Variants in ZNF486 observed in about 807,000 individuals in gnomAD.
ZNF486 encodes zinc finger protein 486, also known as KRAB box only protein 2.
Under a neutral mutation model 12.8 loss-of-function variants are expected in ZNF486, and 12 were observed. The observed-to-expected ratio is 0.94, with a 90% CI of 0.60 to 1.52. The LOEUF (loss-of-function observed/expected upper bound fraction) is 1.52, where lower values mean the gene tolerates loss of function less well. Among genes scored for constraint, ZNF486 ranks in the 40% most tolerant of loss-of-function variants. The pLI, the probability that ZNF486 is intolerant of heterozygous loss-of-function variation, is 0.00. For missense variants in ZNF486, 738 were observed against 545.0 expected (o/e 1.35, Z -3.53); for synonymous variants, 231 against 184.9 (o/e 1.25, Z -2.02).
chr19:20,173,053 A>G (rs1555714146), intron 1 of ZNF486, among the ~76,000 whole-genome samples: 2 of 152,218 alleles, frequency 1.3e-5, no homozygotes, highest in African/African-American at 2.4e-5. Context: ...GCTGTAAAGA[A>G]GCTCTGAAGT....
At chr19:20,181,891 T>C (rs1327573191) in intron 1 of ZNF486, among the ~76,000 whole-genome samples, 4 of 152,354 alleles carry the variant, frequency 2.6e-5, no homozygotes, top group South Asian at 2.1e-4. Flanking sequence ...CAGGGTGTTA[T>C]GAGAATTAAA....
intron 1 of ZNF486, among the ~76,000 whole-genome samples, chr19:20,173,768 C>CT (rs1294992148): frequency 4.0e-5 from 6 of 151,650 alleles, no homozygotes; most frequent in African/African-American, 1.5e-4. Context: ...GGAGGTGGGG[C>CT]TTGCAGTGAG....
intron 1 of ZNF486, among the ~76,000 whole-genome samples, chr19:20,171,542 CA>C (rs1212536043): frequency 1.3e-5 from 2 of 152,228 alleles, no homozygotes; most frequent in African/African-American, 4.8e-5. Context: ...ACTGAATCTG[CA>C]GCAGCAACCT....
intron 1 of ZNF486, among the ~76,000 whole-genome samples, chr19:20,177,781 G>A (rs1162916266): frequency 1.3e-5 from 2 of 152,120 alleles, no homozygotes; most frequent in Non-Finnish European, 2.9e-5. Context: ...TGTCAGTGTT[G>A]GCCAGGCTGG....
chr19:20,190,025 T>C (rs1555716971), intron 3 of ZNF486, among the ~76,000 whole-genome samples: 1 of 152,252 alleles, frequency 6.6e-6, no homozygotes, highest in African/African-American at 2.4e-5. Context: ...AGTGTTGATA[T>C]TCAGTTTTCA....
At chr19:20,171,290 G>A (rs1309461494) in intron 1 of ZNF486, among the ~76,000 whole-genome samples, 1 of 152,176 alleles carries the variant, frequency 6.6e-6, no homozygotes, top group Non-Finnish European at 1.5e-5. Context: ...GGGTGACAGA[G>A]GACTGAAAAC....
chr19:20,191,064 C>G (rs572301091), intron 3 of ZNF486, among the ~76,000 whole-genome samples: 2 of 152,322 alleles, frequency 1.3e-5, no homozygotes, highest in South Asian at 4.1e-4. Context: ...TCCAATTACT[C>G]TTTACCTTCC....
At chr19:20,172,322 TGAGA>T (rs1393226467) in intron 1 of ZNF486, among the ~76,000 whole-genome samples, 1 of 151,476 alleles carries the variant, frequency 6.6e-6, no homozygotes, top group African/African-American at 2.4e-5. Context: ...TTTTTTTTTT[TGAGA>T]GAGAGTTTTG....
chr19:20,181,278 G>T (rs112419660), intron 1 of ZNF486, among the ~76,000 whole-genome samples: 2 of 151,730 alleles, frequency 1.3e-5, no homozygotes, highest in Non-Finnish European at 2.9e-5. Context: ...GGTGGCTCAC[G>T]CCTGTAATCC....
At chr19:20,172,836 T>C (rs1212089317) in intron 1 of ZNF486, among the ~76,000 whole-genome samples, 2 of 151,774 alleles carry the variant, frequency 1.3e-5, no homozygotes, top group Non-Finnish European at 2.9e-5. Flanking sequence ...AGAGACGAGG[T>C]TTCACCCTGT....
At chr19:20,176,693 C>G (rs574105075) in intron 1 of ZNF486, 1 of 155,524 alleles carries the variant, frequency 6.4e-6, no homozygotes, top group Non-Finnish European at 1.4e-5. Flanking sequence ...GGCGTGGCGG[C>G]GCGCACCTGC....
Position 20,172,876 on chromosome 19 carries a change from C to G in ZNF486, c.30+5516C>G, listed in dbSNP as rs187435401. On this transcript the variant is annotated intron_variant, in intron 1 of 3. Transcript: ENST00000335117. ...CAGGCTGGTCTTGAACTCCTGACCT[C>G]GTGATACACCCGCCTTGGCCTCCCA... is the stretch of plus-strand genomic sequence containing the variant. Among the ~76,000 whole-genome samples, 19 of 150,784 alleles carry G rather than the reference C, an allele frequency of 1.3e-4. No homozygotes were observed. In the East Asian group the frequency reaches 3.4e-3, roughly 27 times the overall value.
rs149159247 is a variant in ZNF486 at position 20,191,935 on chromosome 19, G to A, written c.254-5029G>A. ...TCTTGATGTCTACAATTTTTATGTT[G>A]CTATGTATGCCTTGCTTCACTTTTG... On this transcript the variant is annotated intron_variant, in intron 3 of 3. Transcript: ENST00000335117. Among the ~76,000 whole-genome samples the A allele has an allele frequency of 8.1e-4, 123 of 151,890 alleles. 1 individual carries two copies. In the East Asian group the frequency reaches 0.022, roughly 28 times the overall value.
At chr19:20,174,650 T>C (rs1022512669) in intron 1 of ZNF486, among the ~76,000 whole-genome samples, 1 of 152,172 alleles carries the variant, frequency 6.6e-6, no homozygotes, top group Non-Finnish European at 1.5e-5. Flanking sequence ...CAGCTTCCCA[T>C]AGTGCTAAGA....
chr19:20,177,092 A>G (rs1448289987), intron 1 of ZNF486: 1 of 152,196 alleles, frequency 6.6e-6, no homozygotes, highest in Non-Finnish European at 1.5e-5. Context: ...ATGTGACACT[A>G]GAGTGCTGCT....
chr19:20,179,634 G>C (rs1476653136), intron 1 of ZNF486, among the ~76,000 whole-genome samples: 1 of 151,698 alleles, frequency 6.6e-6, no homozygotes, highest in Non-Finnish European at 1.5e-5. Context: ...CCCTCTGCCT[G>C]GGATTTAAAA....
At chr19:20,185,772 A>C (rs2089836044) in intron 2 of ZNF486, among the ~76,000 whole-genome samples, 1 of 151,312 alleles carries the variant, frequency 6.6e-6, no homozygotes, top group African/African-American at 2.4e-5. Context: ...ATCTATAAAC[A>C]GCAACTTTTT....
At chr19:20,167,939 T>G (rs782805045) in intron 1 of ZNF486, among the ~76,000 whole-genome samples, 1 of 152,166 alleles carries the variant, frequency 6.6e-6, no homozygotes, top group Non-Finnish European at 1.5e-5. Flanking sequence ...TTTCCTTTTC[T>G]CGCAAATCGC....
chr19:20,175,284 C>CT (rs1295961637), intron 1 of ZNF486: 3 of 149,854 alleles, frequency 2.0e-5, no homozygotes, highest in Non-Finnish European at 4.4e-5. Flanking sequence ...ATCATTTTAA[C>CT]TTTTTTCTCT....
Sources: gnomAD v4.1 joint callset for allele counts (sites outside exome capture counted in the v4.1 genomes callset) on GRCh38, gnomAD v4.1.1 for gene constraint, MANE v1.5 for transcripts, NCBI Gene and HGNC (gene_info 2026-07-23, HGNC 2026-07-21) for gene names.